INSYN2A: variants seen among roughly 807,000 people sequenced by gnomAD.
The protein encoded by INSYN2A is inhibitory synaptic factor 2A.
A neutral mutation model predicts 39.4 loss-of-function variants in INSYN2A; 17 were observed. That is an observed-to-expected ratio of 0.43 (90% CI 0.30 to 0.65). The LOEUF is 0.65. INSYN2A is among the 30% of genes least tolerant of loss of function. INSYN2A has a pLI of 0.14. For missense variants in INSYN2A, 595 were observed against 631.2 expected, an observed-to-expected ratio of 0.94 and a Z score of 0.61; for synonymous variants, 255 against 265.7, an observed-to-expected ratio of 0.96 and a Z score of 0.39.
At position 127,149,915 on chromosome 10, in the gene INSYN2A, C is replaced by T. The variant is rs535022004; in HGVS notation, c.1256+3937G>A. On this transcript the variant is annotated intron_variant, in intron 5 of 5. Transcript: ENST00000522781. ...ACTCACAGGAAAGTTCCTGAACTCC[C>T]GGATTCAGGTCCTTGCAACTAAGAG... 9.2e-5 allele frequency among the ~76,000 whole-genome samples: 14 copies of T among 152,254 alleles called. 1 individual carries two copies. The South Asian group carries it at 2.5e-3, about 27-fold the overall frequency.
At chr10:127,186,334 C>T (rs2056227168) in intron 2 of INSYN2A, among the ~76,000 whole-genome samples, 1 of 152,170 alleles carries the variant, frequency 6.6e-6, no homozygotes, top group Non-Finnish European at 1.5e-5. Context: ...GCACCTTCTT[C>T]ACAAGGCTGC....
intron 4 of INSYN2A, among the ~76,000 whole-genome samples, chr10:127,156,747 T>G (rs1283283737): frequency 6.6e-6 from 1 of 152,000 alleles, no homozygotes; most frequent in Non-Finnish European, 1.5e-5. Context: ...TTTGTATTTT[T>G]AGTAGAGACG....
intron 4 of INSYN2A, among the ~76,000 whole-genome samples, chr10:127,164,797 C>G (rs1444775747): frequency 1.3e-5 from 2 of 152,086 alleles, no homozygotes; most frequent in Non-Finnish European, 2.9e-5. Flanking sequence ...ATATTATAAA[C>G]AGGGCAAAGC....
chr10:127,151,255 CT>C (rs2052459126), intron 5 of INSYN2A, among the ~76,000 whole-genome samples: 1 of 152,138 alleles, frequency 6.6e-6, no homozygotes, highest in Non-Finnish European at 1.5e-5. Flanking sequence ...ACAGTGCAGT[CT>C]TTATTTGAAT....
Position 127,180,762 on chromosome 10 carries a change from G to A in INSYN2A, c.-268-3623C>T, listed in dbSNP as rs187955596. On this transcript the variant is annotated intron_variant, in intron 2 of 5. Transcript: ENST00000522781. ...TTATGGTTTACATTCACTCTGGGCG[G>A]CCATTAAAAGGATAATTATAGAGAT... Among the ~76,000 whole-genome samples the A allele has an allele frequency of 1.2e-4, 18 of 152,240 alleles. No individual in the cohort carries two copies. In the East Asian group the frequency reaches 2.9e-3, roughly 24 times the overall value.
rs200473636 is a variant in INSYN2A, at chr10:127,160,137, G to GAA, written c.1185-6216_1185-6215dup. ...ATTGTTTGGTTAAAAGGTCAGGAAAGAAAAAAAAAAAAAAGTCTCTCACTG... is the reference window on the plus strand; with the variant it reads ...ATTGTTTGGTTAAAAGGTCAGGAAAGAAAAAAAAAAAAAAAAGTCTCTCACTG... On this transcript the variant is annotated intron_variant, in intron 4 of 5. Transcript: ENST00000522781. Among the ~76,000 whole-genome samples, 95 of 128,534 alleles carry GAA rather than the reference G, an allele frequency of 7.4e-4. 1 individual carries two copies. The highest frequency in any genetic ancestry group is 1.4e-3 in the Admixed American group (18 of 12,806). 84.3% of individuals were successfully genotyped at this position (128,534 alleles called of 152,430 possible).
At chr10:127,170,288 T>TA (rs757339238) in intron 4 of INSYN2A, among the ~76,000 whole-genome samples, 37 of 152,172 alleles carry the variant, frequency 2.4e-4, no homozygotes, top group Non-Finnish European at 4.3e-4. Context: ...CTCAGGGTCT[T>TA]ATCACTACCT....
At chr10:127,165,435 G>A (rs1392633532) in intron 4 of INSYN2A, among the ~76,000 whole-genome samples, 1 of 152,094 alleles carries the variant, frequency 6.6e-6, no homozygotes, top group Non-Finnish European at 1.5e-5. Context: ...TTTGCTAGGG[G>A]GATAACCTAG....
intron 2 of INSYN2A, among the ~76,000 whole-genome samples, chr10:127,184,465 C>G (rs1343996263): frequency 6.6e-6 from 1 of 151,918 alleles, no homozygotes; most frequent in Non-Finnish European, 1.5e-5. Context: ...GCCCTCAGCT[C>G]TCCATTCCCC....
chr10:127,152,053 G>A (rs906396843), intron 5 of INSYN2A, among the ~76,000 whole-genome samples: 2 of 152,012 alleles, frequency 1.3e-5, no homozygotes, highest in African/African-American at 2.4e-5. Context: ...AGAATATTAC[G>A]TAGGTTTAGG....
In INSYN2A at chr10:127,135,895, C is replaced by T. The variant is rs2050649652; in HGVS notation, c.*1942G>A. On this transcript the variant is annotated 3_prime_UTR_variant, in exon 6 of 6. Transcript: ENST00000522781. The stretch of plus-strand genomic sequence containing the variant: ...ATTCTTAAAACATAAGGAGAGAGAA[C>T]TTGTTGGAAACATTTTTATAACTTT... The T allele has an allele frequency of 6.6e-6, 1 of 152,622 alleles. No individual in the cohort carries two copies. The allele number at this position is 152,622 out of a possible 1,614,324, so 9.5% of individuals were successfully genotyped here.
chr10:127,186,673 T>A (rs1217722309), intron 2 of INSYN2A, among the ~76,000 whole-genome samples: 1 of 151,854 alleles, frequency 6.6e-6, no homozygotes, highest in Admixed American at 6.6e-5. Context: ...TTCCTGTTCT[T>A]TAGACTGAGA....
intron 4 of INSYN2A, among the ~76,000 whole-genome samples, chr10:127,155,008 G>A (rs929472933): frequency 7.2e-5 from 11 of 151,990 alleles, no homozygotes; most frequent in Admixed American, 7.2e-4. Context: ...ATATTATTTT[G>A]TGTCCAGGCA....
At chr10:127,157,152 G>T (rs1429423615) in intron 4 of INSYN2A, among the ~76,000 whole-genome samples, 1 of 152,238 alleles carries the variant, frequency 6.6e-6, no homozygotes, top group African/African-American at 2.4e-5. Flanking sequence ...TTGTGAAGCA[G>T]TATTTTGGTC....
At chr10:127,163,935 G>A (rs1293757214) in intron 4 of INSYN2A, among the ~76,000 whole-genome samples, 1 of 151,392 alleles carries the variant, frequency 6.6e-6, no homozygotes, top group Non-Finnish European at 1.5e-5. Context: ...CTCCCCAGAT[G>A]TGGTGACACT....
chr10:127,159,415 A>G (rs1276108821), intron 4 of INSYN2A, among the ~76,000 whole-genome samples: 1 of 152,096 alleles, frequency 6.6e-6, no homozygotes, highest in Non-Finnish European at 1.5e-5. Context: ...CTAATTCTTC[A>G]GTTGTTACTA....
intron 5 of INSYN2A, among the ~76,000 whole-genome samples, chr10:127,145,119 G>A (rs1046188234): frequency 6.6e-6 from 1 of 152,056 alleles, no homozygotes. Flanking sequence ...CATCTTACCT[G>A]TGGCACTCTC....
At chr10:127,158,099 T>C (rs1192800403) in intron 4 of INSYN2A, among the ~76,000 whole-genome samples, 1 of 152,212 alleles carries the variant, frequency 6.6e-6, no homozygotes, top group East Asian at 1.9e-4. Flanking sequence ...CATTAATAAT[T>C]GGGCTGCAGC....
chr10:127,152,775 T>A (rs562769901), intron 5 of INSYN2A, among the ~76,000 whole-genome samples: 2 of 152,374 alleles, frequency 1.3e-5, no homozygotes, highest in East Asian at 3.9e-4. Context: ...AGGAATGTGC[T>A]GATGTGGCCT....
Sources: allele counts gnomAD v4.1 joint callset (sites outside exome capture counted in the v4.1 genomes callset), GRCh38; gene constraint gnomAD v4.1.1; transcripts MANE v1.5; gene names NCBI Gene and HGNC (gene_info 2026-07-23, HGNC 2026-07-21).